The following CADPS variants were observed in gnomAD, a reference collection of about 807,000 sequenced individuals.
CADPS encodes calcium-dependent secretion activator 1.
Under a neutral mutation model 167.3 loss-of-function variants are expected in CADPS, and 57 were observed. The ratio of observed to expected loss-of-function variants is 0.34; its 90% confidence interval spans 0.28 to 0.42. CADPS has a LOEUF of 0.42. Ranked by LOEUF, CADPS falls within the 20% of genes least tolerant of loss-of-function variation. The probability of loss-of-function intolerance (pLI) is 1.00; values close to 1 mark genes in which losing one functional copy is unlikely to be tolerated. For synonymous variants in CADPS, 676 were observed against 635.3 expected, an observed-to-expected ratio of 1.06 and a Z score of -0.96; for missense variants, 1,414 against 1,738.1, an observed-to-expected ratio of 0.81 and a Z score of 3.32.
chr3:62,629,407 T>G (rs916527706), intron 6 of CADPS, among the ~76,000 whole-genome samples: 4 of 152,204 alleles, frequency 2.6e-5, no homozygotes, highest in African/African-American at 9.6e-5. Context: ...CTCTGCATAA[T>G]TTTTTGGAGG....
intron 1 of CADPS, among the ~76,000 whole-genome samples, chr3:62,816,476 C>G (rs559575346): frequency 1.3e-5 from 2 of 152,052 alleles, no homozygotes; most frequent in African/African-American, 4.8e-5. Flanking sequence ...GATGACTTAA[C>G]AACAACAAAA....
At chr3:62,611,574 A>G (rs149292426) in intron 6 of CADPS, among the ~76,000 whole-genome samples, 4 of 152,358 alleles carry the variant, frequency 2.6e-5, no homozygotes, top group African/African-American at 9.6e-5. Context: ...TGTTTTCACC[A>G]TGGCCTACAA....
chr3:62,410,310 T>C (rs920341433), intron 28 of CADPS, among the ~76,000 whole-genome samples: 15 of 152,234 alleles, frequency 9.9e-5, no homozygotes, highest in Admixed American at 8.5e-4. Context: ...TCTAAACATG[T>C]ATTCCTTTGA....
At position 62,728,170 on chromosome 3, in the gene CADPS, G is replaced by A. The variant is rs1479062054; in HGVS notation, c.888+25271C>T. ...AATTGCGGTTTTTGCAATTATAAGG[G>A]CAAAACCGCAATTACTTTTGCACCA... is the stretch of plus-strand genomic sequence containing the variant. On this transcript the variant is annotated intron_variant, in intron 3 of 29. Coordinates refer to ENST00000383710, the MANE Select transcript of CADPS (RefSeq NM_003716.4). 3.3e-5 allele frequency among the ~76,000 whole-genome samples: 5 copies of A among 151,282 alleles called. No homozygotes were observed. In the East Asian group the frequency reaches 9.8e-4, roughly 30 times the overall value.
chr3:62,582,310 G>T (rs992078547), intron 8 of CADPS, among the ~76,000 whole-genome samples: 1 of 152,154 alleles, frequency 6.6e-6, no homozygotes, highest in Non-Finnish European at 1.5e-5. Context: ...GCTGGGTGTG[G>T]TGGTGCACAC....
intron 18 of CADPS, among the ~76,000 whole-genome samples, chr3:62,494,353 T>G (rs2151153017): frequency 1.3e-5 from 2 of 152,286 alleles, no homozygotes; most frequent in South Asian, 4.1e-4. Context: ...ATCTAAACCC[T>G]GGAACTTGCT....
At chr3:62,784,090 G>T (rs527500321) in intron 1 of CADPS, among the ~76,000 whole-genome samples, 1 of 152,080 alleles carries the variant, frequency 6.6e-6, no homozygotes, top group Non-Finnish European at 1.5e-5. Flanking sequence ...TTATCTTACC[G>T]GAAATTAAGG....
rs115387082 is a variant in CADPS, at chr3:62,815,413, A to T, written c.442-49429T>A. Among the ~76,000 whole-genome samples the T allele has an allele frequency of 8.3e-3, 1,263 of 152,056 alleles. 17 individuals carry two copies. The highest frequency in any genetic ancestry group is 0.028 in the African/African-American group (1,175 of 41,478). On this transcript the variant is annotated intron_variant, in intron 1 of 29. Transcript: ENST00000383710. ...TTAATCTATGGTCCGAGAAATCAGG[A>T]TAATGGTGACCAGGGGTGGGGGAGA...
rs1315128516 is a variant in CADPS at position 62,753,027 on chromosome 3, CT to C, written c.888+413del. 3.9e-5 allele frequency among the ~76,000 whole-genome samples: 6 copies of C among 152,164 alleles called. No individual in the cohort carries two copies. The highest frequency in any genetic ancestry group is 1.4e-4 in the African/African-American group (6 of 41,434). ...AAGCTTTCCATTTTAAAAAATTATT[CT>C]TGACAGGCAGGTGCTAAGTTCAGTA... On this transcript the variant is annotated intron_variant, in intron 3 of 29. Coordinates refer to ENST00000383710, the MANE Select transcript of CADPS (RefSeq NM_003716.4). The surrounding 1 kb of genome is among the most constrained non-coding windows in gnomAD (Gnocchi z 4.6).
At chr3:62,749,523 C>CA (rs2152386298) in intron 3 of CADPS, among the ~76,000 whole-genome samples, 1 of 152,274 alleles carries the variant, frequency 6.6e-6, no homozygotes, top group South Asian at 2.1e-4. Flanking sequence ...CCAGAAAATA[C>CA]AAAATTAAAC....
chr3:62,598,396 T>A (rs2059223695), intron 6 of CADPS, among the ~76,000 whole-genome samples: 1 of 152,218 alleles, frequency 6.6e-6, no homozygotes, highest in Non-Finnish European at 1.5e-5. Context: ...CTACTCTTAG[T>A]AGAATCAAGA....
In CADPS at chr3:62,478,314, C is replaced by T; in HGVS notation, c.3276G>A (p.Leu1092=). The T allele has an allele frequency of 6.2e-7, 1 of 1,613,846 alleles. No individual in the cohort carries two copies. Among genetic ancestry groups the T allele is most frequent in the Non-Finnish European group, 8.5e-7 (1 of 1,179,822 alleles). Residue 1092 remains leucine, a synonymous_variant, in exon 23 of 30, where the codon CTG becomes CTA. Transcript: ENST00000383710. This position sits in a 1 kb window ranked among gnomAD's most constrained non-coding sequence, Gnocchi z 5.7. ...HWPEEEFGKH[L]EQRLKLMASD... ...TTGCCATCAACTTCAGCCGTTGTTC[C>T]AGGTGCTTTCCAAACTCTTCTTCAG...
intron 1 of CADPS, among the ~76,000 whole-genome samples, chr3:62,870,922 A>G (rs1013253425): frequency 1.3e-5 from 2 of 152,148 alleles, no homozygotes; most frequent in African/African-American, 4.8e-5. Context: ...CCATTCTGAC[A>G]AAAGAAGAAG....
chr3:62,860,770 C>T (rs2080642275), intron 1 of CADPS, among the ~76,000 whole-genome samples: 1 of 152,184 alleles, frequency 6.6e-6, no homozygotes, highest in Admixed American at 6.5e-5. Flanking sequence ...CTTATGCTTC[C>T]TATTTATGCA....
chr3:62,612,306 C>T (rs1267842050), intron 6 of CADPS, among the ~76,000 whole-genome samples: 1 of 152,178 alleles, frequency 6.6e-6, no homozygotes, highest in African/African-American at 2.4e-5. Flanking sequence ...TGAAATAAAA[C>T]ACATAAAGCA....
At chr3:62,804,411 CTGAGTTGGG>C in intron 1 of CADPS, among the ~76,000 whole-genome samples, 1 of 151,998 alleles carries the variant, frequency 6.6e-6, no homozygotes, top group East Asian at 1.9e-4. Flanking sequence ...TAGAATAGGG[CTGAGTTGGG>C]TGAGAGGGGT....
intron 24 of CADPS, among the ~76,000 whole-genome samples, chr3:62,469,165 T>C (rs1255412609): frequency 1.3e-5 from 2 of 152,214 alleles, no homozygotes; most frequent in Non-Finnish European, 2.9e-5. Context: ...GTTTATCATG[T>C]AGCAAAGAGG....
At chr3:62,790,091 T>C (rs928477071) in intron 1 of CADPS, among the ~76,000 whole-genome samples, 5 of 152,152 alleles carry the variant, frequency 3.3e-5, no homozygotes, top group African/African-American at 1.2e-4. Context: ...AAATATGTGA[T>C]TTTTGATATT....
chr3:62,810,670 C>T (rs978145383), intron 1 of CADPS, among the ~76,000 whole-genome samples: 1 of 152,180 alleles, frequency 6.6e-6, no homozygotes, highest in African/African-American at 2.4e-5. Flanking sequence ...TCTTTGCATG[C>T]TAAGTCATAG....
Sources: allele counts gnomAD v4.1 joint callset (sites outside exome capture counted in the v4.1 genomes callset), GRCh38; gene constraint gnomAD v4.1.1; non-coding constraint Gnocchi (gnomAD v3.1); transcripts MANE v1.5; gene names NCBI Gene and HGNC (gene_info 2026-07-23, HGNC 2026-07-21).